Variants in NQO2 observed in about 807,000 individuals in gnomAD.
NQO2 encodes N-ribosyldihydronicotinamide:quinone dehydrogenase 2, also known as ribosyldihydronicotinamide dehydrogenase [quinone].
A neutral mutation model predicts 22.0 loss-of-function variants in NQO2; 18 were observed. That is an observed-to-expected ratio of 0.82 (90% CI 0.56 to 1.21). The LOEUF is 1.21. NQO2 is among the 50% of genes most tolerant of loss of function. The pLI is 0.00. For synonymous variants in NQO2, 106 were observed against 110.8 expected (o/e 0.96, Z 0.28); for missense variants, 267 against 286.9 (o/e 0.93, Z 0.50).
intron 1 of NQO2, among the ~76,000 whole-genome samples, chr6:3,000,899 G>A (rs1346545099): frequency 1.3e-5 from 2 of 151,314 alleles, no homozygotes; most frequent in Admixed American, 6.6e-5. Context: ...CTGGAGTGCA[G>A]TGGGGCAATC....
chr6:3,000,809 T>C (rs1756663250), intron 1 of NQO2, among the ~76,000 whole-genome samples: 1 of 151,892 alleles, frequency 6.6e-6, no homozygotes, highest in African/African-American at 2.4e-5. Context: ...AGTGCTGGGA[T>C]TGCAGGCGTG....
intron 3 of NQO2, among the ~76,000 whole-genome samples, chr6:3,010,678 A>G (rs1757109070): frequency 6.6e-6 from 1 of 152,160 alleles, no homozygotes; most frequent in African/African-American, 2.4e-5. Flanking sequence ...AGATGGGAAT[A>G]TTGTCCCCAG....
At chr6:3,002,102 A>ACAT in intron 1 of NQO2, 1 of 503,614 alleles carries the variant, frequency 2.0e-6, no homozygotes, top group Non-Finnish European at 2.6e-6. Context: ...TATGATGTAA[A>ACAT]CATGTAAACT....
rs1180571066 is a variant in NQO2 at position 3,006,294 on chromosome 6, T to C, written c.-85-174T>C. 1 of 980,872 alleles carries C rather than the reference T, an allele frequency of 1.0e-6. No homozygotes were observed. Among genetic ancestry groups the C allele is most frequent in the Admixed American group, 6.2e-5 (1 of 16,258 alleles). The allele number at this position is 980,872 out of a possible 1,614,324, so 60.8% of individuals were successfully genotyped here. On this transcript the variant is annotated intron_variant, in intron 1 of 6. Transcript: ENST00000380455. This position sits in a 1 kb window ranked among gnomAD's most constrained non-coding sequence, Gnocchi z 4.0. The stretch of plus-strand genomic sequence containing the variant: ...GAAAAAAGTATGGGTTTTGACATCC[T>C]GCGTGGCTTGTCCTCTGAGGCCTAA...
chr6:3,010,075 G>A lies in NQO2; in HGVS notation c.58G>A (p.Gly20Arg), dbSNP rs777483868. ...ACACCAGGAACCCAAGTCTTTCAAC[G>A]GATCCTTGAAGAATGTGGCTGTAGA... ...YAHQEPKSFN[G>R]SLKNVAVDEL... The change falls in exon 3 of 7, where the codon GGA (glycine) becomes AGA (arginine). Residue 20 changes from glycine to arginine, a missense_variant. Coordinates refer to ENST00000380455, the MANE Select transcript of NQO2 (RefSeq NM_000904.6). The A allele has an allele frequency of 3.9e-5, 63 of 1,613,908 alleles. No homozygotes were observed. Among genetic ancestry groups the A allele is most frequent in the Admixed American group, 8.3e-5 (5 of 59,982 alleles).
At chr6:3,012,515 G>A in intron 3 of NQO2, 29 bp from the exon 4 acceptor site, 1 of 1,613,708 alleles carries the variant, frequency 6.2e-7, no homozygotes, top group Non-Finnish European at 8.5e-7. Flanking sequence ...CCACCTAGGA[G>A]TGAGAATGTT....
intron 1 of NQO2, among the ~76,000 whole-genome samples, chr6:3,001,236 C>G (rs1337523292): frequency 6.6e-6 from 1 of 151,924 alleles, no homozygotes; most frequent in Admixed American, 6.6e-5. Context: ...ATTACAGGTG[C>G]GTGCCACTAC....
chr6:3,013,257 T>A (rs2113455337), intron 4 of NQO2, among the ~76,000 whole-genome samples: 1 of 152,224 alleles, frequency 6.6e-6, no homozygotes. Context: ...GCCCGGCCGA[T>A]GTAACACTAC....
intron 2 of NQO2, 146 bp from the exon 3 acceptor site, chr6:3,009,879 A>AG: frequency 5.1e-6 from 7 of 1,379,722 alleles, no homozygotes; most frequent in South Asian, 4.9e-5. Context: ...GAAGAGAGAG[A>AG]AAGAGACAGA....
At chr6:3,011,141 G>A (rs889379481) in intron 3 of NQO2, among the ~76,000 whole-genome samples, 37 of 152,226 alleles carry the variant, frequency 2.4e-4, no homozygotes, top group Admixed American at 1.0e-3. Context: ...CTAACGAGAC[G>A]GCACTGTTTG....
chr6:3,006,524 CAGAG>C lies in NQO2; in HGVS notation c.-25_-22del. 1 of 1,612,732 alleles carries C rather than the reference CAGAG, an allele frequency of 6.2e-7. No individual in the cohort carries two copies. Among genetic ancestry groups the C allele is most frequent in the Non-Finnish European group, 8.5e-7 (1 of 1,179,408 alleles). On this transcript the variant is annotated 5_prime_UTR_variant, in exon 2 of 7. Transcript: ENST00000380455. The surrounding 1 kb of genome is among the most constrained non-coding windows in gnomAD (Gnocchi z 4.0). The stretch of plus-strand genomic sequence containing the variant: ...GGAAAGCCCCAGCCACCCATCAAAT[CAGAG>C]AGAAGGAATCCACCTTCTTACGCTA...
chr6:3,005,651 G>A (rs1756926341), intron 1 of NQO2: 1 of 985,294 alleles, frequency 1.0e-6, no homozygotes, highest in South Asian at 4.7e-5. Flanking sequence ...TGGGTTTGTT[G>A]GAGTCTCCTT....
chr6:3,012,995 G>T (rs978261653), intron 4 of NQO2, among the ~76,000 whole-genome samples: 1 of 106,716 alleles, frequency 9.4e-6, no homozygotes, highest in Non-Finnish European at 1.8e-5. Context: ...TCGCTCTGTC[G>T]CCCAGGCTGG....
chr6:3,004,452 C>T, intron 1 of NQO2: 1 of 986,048 alleles, frequency 1.0e-6, no homozygotes, highest in Non-Finnish European at 1.2e-6. Context: ...CCCAACTCAG[C>T]TTCAGCCACA....
chr6:3,013,449 TG>T (rs1757217857), intron 4 of NQO2, among the ~76,000 whole-genome samples: 1 of 152,210 alleles, frequency 6.6e-6, no homozygotes, highest in African/African-American at 2.4e-5. Flanking sequence ...TGAGACATTC[TG>T]GGGCTGCTTG....
chr6:3,002,548 G>T (rs1416564780), intron 1 of NQO2, among the ~76,000 whole-genome samples: 2 of 152,104 alleles, frequency 1.3e-5, no homozygotes, highest in Non-Finnish European at 2.9e-5. Flanking sequence ...GACCTCAGGT[G>T]ATCCCCCCAC....
chr6:3,010,150 A>G lies in NQO2; in HGVS notation c.133A>G (p.Met45Val). The G allele has an allele frequency of 2.5e-6, 4 of 1,613,884 alleles. No individual in the cohort carries two copies. The highest frequency in any genetic ancestry group is 3.4e-6 in the Non-Finnish European group (4 of 1,179,868). The change falls in exon 3 of 7, where the codon ATG becomes GTG. Residue 45 changes from methionine to valine, a missense_variant. Transcript: ENST00000380455. ...CGTCACAGTGTCTGATTTGTATGCC[A>G]TGAACCTTGAGCCGAGGGCCACAGA... ...CTVTVSDLYA[M>V]NLEPRATDKD...
At chr6:3,018,882 G>A (rs202147442) in intron 6 of NQO2, among the ~76,000 whole-genome samples, 2 of 143,496 alleles carry the variant, frequency 1.4e-5, no homozygotes, top group African/African-American at 5.3e-5. Flanking sequence ...AAAAAAAAAA[G>A]AGACAATATG....
intron 2 of NQO2, among the ~76,000 whole-genome samples, chr6:3,008,310 T>A (rs1757016519): frequency 6.6e-6 from 1 of 151,052 alleles, no homozygotes; most frequent in African/African-American, 2.4e-5. Flanking sequence ...TCCCAGCTAC[T>A]CAGGAGGCTG....
Sources: allele counts gnomAD v4.1 joint callset (sites outside exome capture counted in the v4.1 genomes callset), GRCh38; gene constraint gnomAD v4.1.1; non-coding constraint Gnocchi (gnomAD v3.1); transcripts MANE v1.5; gene names NCBI Gene and HGNC (gene_info 2026-07-23, HGNC 2026-07-21).